The following CFAP299 variants were observed in gnomAD, a reference collection of about 807,000 sequenced individuals.
The protein encoded by CFAP299 is cilia and flagella associated protein 299.
CFAP299 carries 21 observed loss-of-function variants against 27.0 expected under a neutral mutation model. The ratio of observed to expected loss-of-function variants is 0.78; its 90% CI spans 0.55 to 1.12. CFAP299 has a LOEUF of 1.12. Among genes scored for constraint, CFAP299 ranks in the 50% most tolerant of loss-of-function variants. The probability of loss-of-function intolerance (pLI) is 0.00; values close to 1 mark genes in which losing one functional copy is unlikely to be tolerated. For missense variants in CFAP299, 310 were observed against 276.6 expected (o/e 1.12, Z -0.86); for synonymous variants, 104 against 98.1 (o/e 1.06, Z -0.36).
At position 80,851,840 on chromosome 4, in the gene CFAP299, G is replaced by A. The variant is rs368821953; in HGVS notation, c.334-18153G>A. Among the ~76,000 whole-genome samples, 9 of 152,138 alleles carry A rather than the reference G, an allele frequency of 5.9e-5. No homozygotes were observed. The South Asian group carries it at 1.9e-3, about 32-fold the overall frequency. Reference sequence around the variant, plus strand: ...TGGCTCTCTGGCACATTGTTATGTTGGTTACAGTAGCCTCAGTGTGGAACT... The same window carrying A: ...TGGCTCTCTGGCACATTGTTATGTTAGTTACAGTAGCCTCAGTGTGGAACT... On this transcript the variant is annotated intron_variant, in intron 3 of 5. Coordinates refer to ENST00000358105, the MANE Select transcript of CFAP299 (RefSeq NM_152770.3).
At chr4:80,575,100 A>G (rs377011811) in intron 2 of CFAP299, among the ~76,000 whole-genome samples, 7 of 152,094 alleles carry the variant, frequency 4.6e-5, no homozygotes, top group African/African-American at 1.7e-4. Context: ...CCAGACTTTC[A>G]TTTGTTGGGA....
chr4:80,858,981 T>C (rs372960129), intron 3 of CFAP299, among the ~76,000 whole-genome samples: 21 of 152,258 alleles, frequency 1.4e-4, no homozygotes, highest in South Asian at 2.1e-4. Context: ...CTTTCTGTCT[T>C]GTTGATCTGT....
chr4:80,746,040 G>A (rs1002708458), intron 3 of CFAP299, among the ~76,000 whole-genome samples: 1 of 152,002 alleles, frequency 6.6e-6, no homozygotes, highest in East Asian at 1.9e-4. Context: ...CAGGTGTAAA[G>A]TCTCCAAGGT....
At chr4:80,462,785 A>T (rs1265124900) in intron 2 of CFAP299, among the ~76,000 whole-genome samples, 2 of 152,138 alleles carry the variant, frequency 1.3e-5, no homozygotes, top group East Asian at 3.9e-4. Context: ...AAGGGCCCTC[A>T]TTAGTCTATT....
chr4:80,350,238 C>G (rs995826503), intron 1 of CFAP299, among the ~76,000 whole-genome samples: 5 of 151,876 alleles, frequency 3.3e-5, no homozygotes, highest in African/African-American at 1.2e-4. Flanking sequence ...ATGAAAAGTA[C>G]AAACCCACAG....
intron 3 of CFAP299, among the ~76,000 whole-genome samples, chr4:80,854,711 A>G (rs1731724811): frequency 6.7e-6 from 1 of 149,082 alleles, no homozygotes; most frequent in Non-Finnish European, 1.5e-5. Context: ...GAGAGAAGAT[A>G]TGTAAAAAAA....
chr4:80,690,771 G>A (rs900122133), intron 3 of CFAP299, among the ~76,000 whole-genome samples: 1 of 151,280 alleles, frequency 6.6e-6, no homozygotes, highest in Non-Finnish European at 1.5e-5. Context: ...TTTTTGAAAG[G>A]ATCAACAAAA....
intron 4 of CFAP299, among the ~76,000 whole-genome samples, chr4:80,917,696 C>T (rs1192949629): frequency 6.6e-6 from 1 of 152,018 alleles, no homozygotes; most frequent in African/African-American, 2.4e-5. Context: ...GAATATGAGC[C>T]TTTTGTATTT....
intron 2 of CFAP299, among the ~76,000 whole-genome samples, chr4:80,525,819 A>G (rs891306494): frequency 6.6e-5 from 10 of 152,102 alleles, no homozygotes; most frequent in African/African-American, 2.4e-4. Flanking sequence ...ATAATCTCTT[A>G]TTATGCCAAA....
Position 80,850,858 on chromosome 4 carries a change from A to T in CFAP299, c.334-19135A>T, listed in dbSNP as rs567364348. ...TAAGATATTGGCAATCATCACACAA[A>T]GCAAAGACATGGTTTGAGATATTTC... is the stretch of plus-strand genomic sequence containing the variant. On this transcript the variant is annotated intron_variant, in intron 3 of 5. Coordinates refer to ENST00000358105, the MANE Select transcript of CFAP299 (RefSeq NM_152770.3). 1.2e-4 allele frequency among the ~76,000 whole-genome samples: 18 copies of T among 152,272 alleles called. 1 individual carries two copies. In the South Asian group the frequency reaches 2.3e-3, roughly 19 times the overall value.
rs189642182 is a variant in CFAP299 at position 80,886,228 on chromosome 4, A to G, written c.476+16093A>G. Among the ~76,000 whole-genome samples the G allele has an allele frequency of 6.7e-4, 102 of 152,290 alleles. 1 individual carries two copies. Among genetic ancestry groups the G allele is most frequent in the Non-Finnish European group, 1.3e-3 (89 of 68,010 alleles). ...GTAAATTGCTAAGGTTTTTACTCCAATTCCTGGCTCCCAGACAGCATTTCT... is the reference window on the plus strand; with the variant it reads ...GTAAATTGCTAAGGTTTTTACTCCAGTTCCTGGCTCCCAGACAGCATTTCT... On this transcript the variant is annotated intron_variant, in intron 4 of 5. Transcript: ENST00000358105.
At chr4:80,548,670 C>T (rs1734358095) in intron 2 of CFAP299, among the ~76,000 whole-genome samples, 3 of 152,156 alleles carry the variant, frequency 2.0e-5, no homozygotes, top group Non-Finnish European at 4.4e-5. Flanking sequence ...GCTCCTCCAT[C>T]CTCCTATCTC....
intron 3 of CFAP299, among the ~76,000 whole-genome samples, chr4:80,696,765 GAAAGT>G (rs1361325388): frequency 6.6e-6 from 1 of 152,124 alleles, no homozygotes; most frequent in Non-Finnish European, 1.5e-5. Context: ...AAGAACAATG[GAAAGT>G]ACGAAGACCT....
intron 2 of CFAP299, among the ~76,000 whole-genome samples, chr4:80,539,449 G>A (rs548603643): frequency 1.3e-5 from 2 of 152,260 alleles, no homozygotes; most frequent in East Asian, 3.9e-4. Context: ...AGTCAAGGCA[G>A]GGGAGGAGAA....
At chr4:80,466,073 C>A (rs1488670060) in intron 2 of CFAP299, among the ~76,000 whole-genome samples, 1 of 152,172 alleles carries the variant, frequency 6.6e-6, no homozygotes, top group Non-Finnish European at 1.5e-5. Flanking sequence ...TTTCAGGCTC[C>A]TGGCTGACAT....
At chr4:80,378,348 A>G (rs953995689) in intron 2 of CFAP299, among the ~76,000 whole-genome samples, 1 of 152,152 alleles carries the variant, frequency 6.6e-6, no homozygotes, top group Non-Finnish European at 1.5e-5. Flanking sequence ...TATGCAGAAG[A>G]TCATAAATTA....
chr4:80,412,355 A>C (rs761133870), intron 2 of CFAP299, among the ~76,000 whole-genome samples: 13 of 152,276 alleles, frequency 8.5e-5, no homozygotes, highest in Middle Eastern at 6.8e-3. Context: ...GCTACTCCTA[A>C]ATGAATGTGT....
intron 2 of CFAP299, among the ~76,000 whole-genome samples, chr4:80,551,952 TTGGCCAGGA>T (rs1419310458): frequency 1.3e-5 from 2 of 152,092 alleles, no homozygotes; most frequent in Non-Finnish European, 2.9e-5. Context: ...TTTCACCATG[TTGGCCAGGA>T]TGGTCTTGAT....
At chr4:80,820,234 G>T (rs183091636) in intron 3 of CFAP299, among the ~76,000 whole-genome samples, 2 of 152,148 alleles carry the variant, frequency 1.3e-5, no homozygotes, top group Admixed American at 1.3e-4. Flanking sequence ...TAGATCAAAG[G>T]CCAGGTCTTT....
Sources: allele counts gnomAD v4.1 joint callset (sites outside exome capture counted in the v4.1 genomes callset), GRCh38; gene constraint gnomAD v4.1.1; transcripts MANE v1.5; gene names NCBI Gene and HGNC (gene_info 2026-07-23, HGNC 2026-07-21).